The following KCNMB2 variants were observed in gnomAD, a reference collection of about 807,000 sequenced individuals.
KCNMB2 encodes calcium-activated potassium channel subunit beta-2.
In KCNMB2, 9 loss-of-function variants were observed where a neutral mutation model predicts 24.5. That is an observed-to-expected ratio of 0.37 (90% confidence interval 0.22 to 0.64). The LOEUF (loss-of-function observed/expected upper bound fraction) is 0.64. KCNMB2 is among the 30% of genes least tolerant of loss of function. The probability of loss-of-function intolerance (pLI) is 0.63; values close to 1 mark genes in which losing one functional copy is unlikely to be tolerated. For missense variants in KCNMB2, 226 were observed against 284.3 expected, an observed-to-expected ratio of 0.79 and a Z score of 1.47; for synonymous variants, 109 against 104.4, an observed-to-expected ratio of 1.04 and a Z score of -0.27.
chr3:178,667,118 TG>T (rs1295796685), intron 1 of KCNMB2, among the ~76,000 whole-genome samples: 2 of 152,024 alleles, frequency 1.3e-5, no homozygotes, highest in Non-Finnish European at 2.9e-5. Flanking sequence ...TCCATGGACA[TG>T]GGGGGTCAAG....
chr3:178,557,634 A>G (rs903667524), intron 1 of KCNMB2, among the ~76,000 whole-genome samples: 30 of 152,202 alleles, frequency 2.0e-4, no homozygotes, highest in African/African-American at 6.5e-4. Context: ...TGTTACTCTT[A>G]TGAAAAAGAG....
intron 4 of KCNMB2, among the ~76,000 whole-genome samples, chr3:178,838,060 T>C (rs1350608860): frequency 2.6e-5 from 4 of 152,172 alleles, no homozygotes; most frequent in Non-Finnish European, 5.9e-5. Context: ...ATAATCTAAA[T>C]TGGCTTGGTT....
At chr3:178,798,729 T>G (rs1713653101) in intron 1 of KCNMB2, among the ~76,000 whole-genome samples, 1 of 148,980 alleles carries the variant, frequency 6.7e-6, no homozygotes, top group Admixed American at 6.7e-5. Context: ...TGTCAGGGAG[T>G]GAGGTTGGGG....
At chr3:178,697,213 T>C (rs904971572) in intron 1 of KCNMB2, among the ~76,000 whole-genome samples, 13 of 152,338 alleles carry the variant, frequency 8.5e-5, no homozygotes, top group African/African-American at 2.9e-4. Context: ...TGTTAAAGTA[T>C]CCCATTATTA....
chr3:178,617,975 A>G (rs1027593713), intron 1 of KCNMB2, among the ~76,000 whole-genome samples: 4 of 152,072 alleles, frequency 2.6e-5, no homozygotes, highest in African/African-American at 9.6e-5. Context: ...ATTTCATTGT[A>G]GATATGCCTA....
chr3:178,625,450 A>G (rs927509526), intron 1 of KCNMB2, among the ~76,000 whole-genome samples: 3 of 152,184 alleles, frequency 2.0e-5, no homozygotes, highest in South Asian at 2.1e-4. Flanking sequence ...TTGCCAAGTG[A>G]CCAGGGCATT....
intron 1 of KCNMB2, among the ~76,000 whole-genome samples, chr3:178,712,671 T>C (rs942585983): frequency 6.6e-6 from 1 of 152,204 alleles, no homozygotes; most frequent in Non-Finnish European, 1.5e-5. Flanking sequence ...ATGGGGAACC[T>C]AAGCACAGAG....
At chr3:178,621,994 A>C (rs1718940746) in intron 1 of KCNMB2, among the ~76,000 whole-genome samples, 1 of 152,182 alleles carries the variant, frequency 6.6e-6, no homozygotes, top group Admixed American at 6.5e-5. Flanking sequence ...TCCCTCAAGC[A>C]AGTTGTTTAA....
chr3:178,629,491 G>C (rs1336263528), intron 1 of KCNMB2, among the ~76,000 whole-genome samples: 1 of 152,098 alleles, frequency 6.6e-6, no homozygotes, highest in Non-Finnish European at 1.5e-5. Flanking sequence ...GGTGAGAATG[G>C]GGTGGTTGCA....
intron 1 of KCNMB2, among the ~76,000 whole-genome samples, chr3:178,712,426 T>C (rs1722484516): frequency 6.6e-6 from 1 of 152,224 alleles, no homozygotes; most frequent in Non-Finnish European, 1.5e-5. Context: ...CAAATATTTA[T>C]TGAATGTTTC....
At chr3:178,626,036 A>G (rs1719104860) in intron 1 of KCNMB2, among the ~76,000 whole-genome samples, 1 of 152,224 alleles carries the variant, frequency 6.6e-6, no homozygotes, top group Admixed American at 6.5e-5. Context: ...TTTAATGAGC[A>G]CCCAGCTGAA....
intron 1 of KCNMB2, among the ~76,000 whole-genome samples, chr3:178,783,744 A>G (rs1262617739): frequency 1.3e-5 from 2 of 152,114 alleles, no homozygotes; most frequent in Non-Finnish European, 2.9e-5. Flanking sequence ...GCAAACAGGG[A>G]TAATTTGACT....
At chr3:178,660,015 C>T (rs570306202) in intron 1 of KCNMB2, among the ~76,000 whole-genome samples, 29 of 152,252 alleles carry the variant, frequency 1.9e-4, no homozygotes, top group African/African-American at 6.7e-4. Context: ...AAGATGAGCC[C>T]TGAGTGCTAG....
At chr3:178,723,450 C>G (rs749938690) in intron 1 of KCNMB2, among the ~76,000 whole-genome samples, 2 of 152,102 alleles carry the variant, frequency 1.3e-5, no homozygotes, top group Non-Finnish European at 2.9e-5. Flanking sequence ...GTTTTTAATG[C>G]CTAAGTGTTT....
intron 1 of KCNMB2, among the ~76,000 whole-genome samples, chr3:178,706,724 C>T (rs1722289143): frequency 6.6e-6 from 1 of 152,174 alleles, no homozygotes; most frequent in Admixed American, 6.6e-5. Flanking sequence ...TTGCTATCTG[C>T]ACCTTCCCAA....
intron 1 of KCNMB2, among the ~76,000 whole-genome samples, chr3:178,752,959 GA>G (rs1723900842): frequency 6.6e-6 from 1 of 152,112 alleles, no homozygotes; most frequent in South Asian, 2.1e-4. Context: ...AGAATTAGCC[GA>G]AATACTATGG....
chr3:178,830,036 C>T (rs1714994743), intron 4 of KCNMB2, among the ~76,000 whole-genome samples: 1 of 152,170 alleles, frequency 6.6e-6, no homozygotes, highest in South Asian at 2.1e-4. Flanking sequence ...AAACACCCTA[C>T]ATGCCCCCTC....
rs199797737 is a variant in KCNMB2, at chr3:178,824,849, G to A, written c.57-739G>A. ...GAAATCAGTCTGAACTCAGGAGACAGTTGATTTCAATTTCTTGTTCTTTCT... is the reference window on the plus strand; with the variant it reads ...GAAATCAGTCTGAACTCAGGAGACAATTGATTTCAATTTCTTGTTCTTTCT... On this transcript the variant is annotated intron_variant, in intron 2 of 4. Transcript: ENST00000452583. 5.9e-5 allele frequency among the ~76,000 whole-genome samples: 9 copies of A among 152,192 alleles called. No individual in the cohort carries two copies. In the East Asian group the frequency reaches 1.5e-3, roughly 26 times the overall value.
At chr3:178,809,101 C>A (rs941335341) in intron 2 of KCNMB2, among the ~76,000 whole-genome samples, 57 of 152,148 alleles carry the variant, frequency 3.7e-4, no homozygotes, top group African/African-American at 1.3e-3. Context: ...TCAGCAAGAT[C>A]TTTTCTGTAA....
Sources: gnomAD v4.1 joint callset for allele counts (sites outside exome capture counted in the v4.1 genomes callset) on GRCh38, gnomAD v4.1.1 for gene constraint, MANE v1.5 for transcripts, NCBI Gene and HGNC (gene_info 2026-07-23, HGNC 2026-07-21) for gene names.